Variants in PTPRF observed in about 807,000 individuals in gnomAD.
PTPRF encodes receptor-type tyrosine-protein phosphatase F.
In PTPRF, 59 loss-of-function variants were observed where a neutral mutation model predicts 201.8. That is an observed-to-expected ratio of 0.29 (90% CI 0.24 to 0.36). PTPRF has a LOEUF of 0.36. Ranked by LOEUF, PTPRF falls within the 10% of genes least tolerant of loss-of-function variation. The pLI is 1.00. For missense variants in PTPRF, 2,132 were observed against 2,690.5 expected (o/e 0.79, Z 4.59); for synonymous variants, 1,088 against 1,089.7 (o/e 1.00, Z 0.03).
chr1:43,619,289 G>A lies in PTPRF; in HGVS notation c.4648G>A (p.Ala1550Thr), dbSNP rs752821972. Residue 1550 changes from alanine (A) to threonine (T), a missense_variant and splice_region_variant, in exon 28 of 34, where the codon GCG becomes ACG. This residue lies in a region of PTPRF where 519 missense variants were observed against 659.5 expected (regional missense o/e 0.79). Transcript: ENST00000359947. The stretch of plus-strand genomic sequence containing the variant: ...TCAAGCTGAGCCCGTGTCCTGCAGC[G>A]CGGGCGTGGGCCGCACCGGCTGCTT... ...DAGPMVVHCS[A>T]GVGRTGCFIV... is the part of the protein sequence containing the mutation. The A allele has an allele frequency of 4.2e-5, 67 of 1,613,064 alleles. No homozygotes were observed. Among genetic ancestry groups the A allele is most frequent in the South Asian group, 1.2e-4 (11 of 91,068 alleles).
chr1:43,598,937 G>T (rs1447332993), intron 13 of PTPRF, 24 bp downstream of exon 13: 2 of 1,606,930 alleles, frequency 1.2e-6, no homozygotes, highest in Admixed American at 1.7e-5. Flanking sequence ...TGGTGGTGGG[G>T]TGGCAGGGTG....
At chr1:43,561,670 A>G (rs777664134) in intron 5 of PTPRF, among the ~76,000 whole-genome samples, 3 of 152,120 alleles carry the variant, frequency 2.0e-5, no homozygotes, top group South Asian at 2.1e-4. Context: ...TTACACCCCC[A>G]TGACTGCAGT....
At chr1:43,580,214 G>T (rs1046194658) in intron 7 of PTPRF, 1 of 152,276 alleles carries the variant, frequency 6.6e-6, no homozygotes, top group Non-Finnish European at 1.5e-5. Context: ...CACGTGGTGG[G>T]TGATGGCGGT....
intron 11 of PTPRF, among the ~76,000 whole-genome samples, chr1:43,595,500 G>A (rs936822538): frequency 3.9e-5 from 6 of 152,170 alleles, no homozygotes; most frequent in African/African-American, 4.8e-5. Flanking sequence ...GATTACAGGC[G>A]TGAGCCACCG....
chr1:43,614,300 T>C (rs1420522215), intron 23 of PTPRF, among the ~76,000 whole-genome samples: 1 of 152,192 alleles, frequency 6.6e-6, no homozygotes, highest in Non-Finnish European at 1.5e-5. Context: ...TGCACATGCA[T>C]GTGCTCACGT....
intron 11 of PTPRF, among the ~76,000 whole-genome samples, chr1:43,595,462 C>T (rs757302029): frequency 6.6e-6 from 1 of 152,088 alleles, no homozygotes; most frequent in Non-Finnish European, 1.5e-5. Context: ...CCTCGTGATC[C>T]GCCCGCCTCG....
chr1:43,568,358 GC>G (rs1051628260), intron 5 of PTPRF, among the ~76,000 whole-genome samples: 5 of 151,744 alleles, frequency 3.3e-5, no homozygotes, highest in African/African-American at 1.2e-4. Flanking sequence ...CCTCTCACCA[GC>G]CTAGAGTGGA....
intron 5 of PTPRF, among the ~76,000 whole-genome samples, chr1:43,557,017 C>G (rs1182854256): frequency 6.6e-6 from 1 of 152,236 alleles, no homozygotes; most frequent in African/African-American, 2.4e-5. Flanking sequence ...TTTCCCCACT[C>G]GTGACCTGGG....
intron 6 of PTPRF, among the ~76,000 whole-genome samples, chr1:43,574,238 C>T (rs545170595): frequency 8.5e-4 from 129 of 151,806 alleles, no homozygotes; most frequent in East Asian, 3.1e-3. Context: ...TCGGGTGATC[C>T]GCCCGCCTCA....
chr1:43,565,635 C>T (rs1007697869), intron 5 of PTPRF, among the ~76,000 whole-genome samples: 5 of 152,104 alleles, frequency 3.3e-5, no homozygotes, highest in Admixed American at 2.6e-4. Flanking sequence ...CAGACGCCCC[C>T]GGCGCTGAGG....
At chr1:43,557,240 C>G (rs1645438893) in intron 5 of PTPRF, among the ~76,000 whole-genome samples, 1 of 152,156 alleles carries the variant, frequency 6.6e-6, no homozygotes, top group South Asian at 2.1e-4. Flanking sequence ...GGTCAGGAGC[C>G]CTCTTACCTC....
chr1:43,570,923 C>G (rs1234868754), intron 6 of PTPRF, among the ~76,000 whole-genome samples: 1 of 152,266 alleles, frequency 6.6e-6, no homozygotes, highest in East Asian at 1.9e-4. Flanking sequence ...GCACAGCGGC[C>G]AGCACGGTTC....
chr1:43,545,711 C>G (rs548297389), intron 3 of PTPRF, among the ~76,000 whole-genome samples: 1 of 152,240 alleles, frequency 6.6e-6, no homozygotes, highest in East Asian at 1.9e-4. Context: ...ACCTTCTAGG[C>G]AAAGGAGCAT....
chr1:43,611,841 G>C (rs755842346), intron 22 of PTPRF, among the ~76,000 whole-genome samples: 2 of 152,290 alleles, frequency 1.3e-5, no homozygotes, highest in East Asian at 1.9e-4. Flanking sequence ...GAATGAGCAG[G>C]GGGTAGGGGT....
rs555406878 is a variant in PTPRF, at chr1:43,605,814, C to T, written c.3483+192C>T. On this transcript the variant is annotated intron_variant, in intron 19 of 33. Coordinates refer to ENST00000359947, the MANE Select transcript of PTPRF (RefSeq NM_002840.5). Reference sequence around the variant, plus strand: ...CATCTGGGAGTATTCACAGAACTCCCGGAGGGCTTACGAAGAATCCCTGGG... The same window carrying T: ...CATCTGGGAGTATTCACAGAACTCCTGGAGGGCTTACGAAGAATCCCTGGG... Among the ~76,000 whole-genome samples the T allele has an allele frequency of 3.3e-5, 5 of 152,304 alleles. No homozygotes were observed. In the South Asian group the frequency reaches 8.3e-4, roughly 25 times the overall value.
In PTPRF at chr1:43,604,178, C is replaced by T. The variant is rs765129553; in HGVS notation, c.3026C>T (p.Pro1009Leu). 1.1e-5 allele frequency: 18 copies of T among 1,613,574 alleles called. No homozygotes were observed. The highest frequency in any genetic ancestry group is 4.0e-5 in the African/African-American group (3 of 74,936). The change falls in exon 16 of 34, where the codon CCG becomes CTG. Residue 1009 changes from proline (P) to leucine (L), a missense_variant. Coordinates refer to ENST00000359947, the MANE Select transcript of PTPRF (RefSeq NM_002840.5). ...LSPSIQSRTM[P>L]VEQVFAKNFR... ...CCCAGCATCCAGTCCCGGACCATGC[C>T]GGTGGAGCAAGGTGTGTGCTGTGGA...
At chr1:43,564,257 C>T (rs985887153) in intron 5 of PTPRF, among the ~76,000 whole-genome samples, 5 of 152,102 alleles carry the variant, frequency 3.3e-5, no homozygotes, top group African/African-American at 7.2e-5. Context: ...TGGCAGCCTT[C>T]GACTTTTGGA....
rs1183191268 is a variant in PTPRF, at chr1:43,588,701, C to CT, written c.680-29dup. 2 of 1,609,500 alleles carry CT rather than the reference C, an allele frequency of 1.2e-6. No individual in the cohort carries two copies. Among genetic ancestry groups the CT allele is most frequent in the Non-Finnish European group, 1.7e-6 (2 of 1,179,036 alleles). On this transcript the variant is annotated intron_variant, in intron 7 of 33. Coordinates refer to ENST00000359947, the MANE Select transcript of PTPRF (RefSeq NM_002840.5). This position sits in a 1 kb window ranked among gnomAD's most constrained non-coding sequence, Gnocchi z 5.3. ...CATGCAGTCGTGTGTCCTGCCCGGC[C>CT]TGTGAGTGCCTCTCTCCCTCCTCCT...
chr1:43,620,299 G>C, intron 30 of PTPRF, 78 bp downstream of exon 30: 1 of 1,580,974 alleles, frequency 6.3e-7, no homozygotes, highest in Non-Finnish European at 8.6e-7. Context: ...TGCCGCCTAT[G>C]TTACTGTCTC....
Sources: allele counts gnomAD v4.1 joint callset (sites outside exome capture counted in the v4.1 genomes callset), GRCh38; gene constraint gnomAD v4.1.1; regional missense constraint gnomAD v4.1.1; non-coding constraint Gnocchi (gnomAD v3.1); transcripts MANE v1.5; gene names NCBI Gene and HGNC (gene_info 2026-07-23, HGNC 2026-07-21).